The following USP10 variants were observed in gnomAD, a reference collection of about 807,000 sequenced individuals.
USP10 encodes the protein ubiquitin specific peptidase 10.
In USP10, 22 loss-of-function variants were observed where a neutral mutation model predicts 84.5. The observed-to-expected ratio is 0.26, with a 90% confidence interval of 0.19 to 0.37. The LOEUF is 0.37. Ranked by LOEUF, USP10 falls within the 10% of genes least tolerant of loss-of-function variation. USP10 has a pLI of 1.00. For missense variants in USP10, 1,019 were observed against 998.9 expected (o/e 1.02, Z -0.27); for synonymous variants, 454 against 387.6 (o/e 1.17, Z -2.01).
intron 1 of USP10, among the ~76,000 whole-genome samples, chr16:84,702,310 G>A (rs1409912868): frequency 3.3e-5 from 5 of 152,140 alleles, no homozygotes; most frequent in Admixed American, 3.3e-4. Flanking sequence ...ACCCGCCTCG[G>A]CCTCTCAAAG....
chr16:84,710,007 C>T (rs1260462753), intron 1 of USP10, among the ~76,000 whole-genome samples: 4 of 152,142 alleles, frequency 2.6e-5, no homozygotes, highest in African/African-American at 4.8e-5. Flanking sequence ...GCGAGGCTCA[C>T]GCCTGTAATC....
intron 8 of USP10, among the ~76,000 whole-genome samples, chr16:84,762,626 G>A (rs7205741): frequency 0.064 from 9,790 of 152,002 alleles, 435 homozygotes; most frequent in East Asian, 0.13. Flanking sequence ...GGGAGCTGGA[G>A]GTTGCACTGA....
intron 4 of USP10, among the ~76,000 whole-genome samples, chr16:84,748,823 A>C (rs1911559401): frequency 6.6e-6 from 1 of 152,330 alleles, no homozygotes; most frequent in South Asian, 2.1e-4. Context: ...TCAAACACTG[A>C]AAGTAAGGGC....
In USP10 at chr16:84,734,307, A is replaced by C. The variant is rs1307834768; in HGVS notation, c.90+804A>C. On this transcript the variant is annotated intron_variant, in intron 2 of 13. Transcript: ENST00000219473. ...AACTCTTGGTGTTGGCATATTTAAA[A>C]TTTTGTGAATCTGATGTGTGTAGTA... 3.3e-5 allele frequency among the ~76,000 whole-genome samples: 5 copies of C among 152,162 alleles called. No homozygotes were observed. In the East Asian group the frequency reaches 9.6e-4, roughly 29 times the overall value.
intron 12 of USP10, among the ~76,000 whole-genome samples, chr16:84,773,155 C>A (rs1049454076): frequency 1.3e-5 from 2 of 152,292 alleles, no homozygotes; most frequent in African/African-American, 2.4e-5. Context: ...TGTCAGGTCA[C>A]GGGCTCGGCA....
intron 1 of USP10, among the ~76,000 whole-genome samples, chr16:84,714,106 G>C (rs1403054366): frequency 6.6e-6 from 1 of 152,184 alleles, no homozygotes; most frequent in African/African-American, 2.4e-5. Context: ...AGTTTGGAGG[G>C]TGAGGGGTGA....
rs183272912 is a variant in USP10 at position 84,779,094 on chromosome 16, G to A, written c.*12G>A. 10 of 1,607,544 alleles carry A rather than the reference G, an allele frequency of 6.2e-6. No homozygotes were observed. Among genetic ancestry groups the A allele is most frequent in the South Asian group, 5.5e-5 (5 of 90,760 alleles). On this transcript the variant is annotated 3_prime_UTR_variant, in exon 14 of 14. Transcript: ENST00000219473. Reference sequence around the variant, plus strand: ...TGGACCTGCTGTAAACCCTGTGTGCGCTGTGTGTGCGCCCAGTGCCCGCTT... The same window carrying A: ...TGGACCTGCTGTAAACCCTGTGTGCACTGTGTGTGCGCCCAGTGCCCGCTT...
In USP10 at chr16:84,747,984, C is replaced by G. The variant is rs539597394; in HGVS notation, c.1192+2311C>G. On this transcript the variant is annotated intron_variant, in intron 4 of 13. Transcript: ENST00000219473. ...TGGCTAACACGGTGAAACCCCGTCTCTACTAAAAAAAACCTAAAAATCAGC... is the reference window on the plus strand; with the variant it reads ...TGGCTAACACGGTGAAACCCCGTCTGTACTAAAAAAAACCTAAAAATCAGC... 7.7e-4 allele frequency among the ~76,000 whole-genome samples: 117 copies of G among 151,480 alleles called. No homozygotes were observed. The Middle Eastern group carries it at 0.034, about 44-fold the overall frequency.
intron 1 of USP10, chr16:84,704,794 C>T (rs1416491187): frequency 6.5e-7 from 1 of 1,535,582 alleles, no homozygotes; most frequent in African/African-American, 1.4e-5. Context: ...AGAAGCTCTA[C>T]CAGCACTGCC....
intron 10 of USP10, among the ~76,000 whole-genome samples, chr16:84,765,019 G>A (rs1913692546): frequency 6.7e-6 from 1 of 150,080 alleles, no homozygotes; most frequent in African/African-American, 2.5e-5. Context: ...AGGTTGCAGT[G>A]AGCCAAGATT....
At chr16:84,725,810 A>C (rs1419652193) in intron 1 of USP10, among the ~76,000 whole-genome samples, 2 of 152,218 alleles carry the variant, frequency 1.3e-5, no homozygotes, top group African/African-American at 4.8e-5. Flanking sequence ...ACATACCTTC[A>C]TTTTGTAGAT....
At chr16:84,704,786 A>T in intron 1 of USP10, 1 of 1,535,452 alleles carries the variant, frequency 6.5e-7, no homozygotes, top group Non-Finnish European at 8.7e-7. Context: ...GAGAACCCAG[A>T]AGCTCTACCA....
chr16:84,762,926 A>G, intron 8 of USP10, 63 bp from the exon 9 acceptor site: 2 of 1,005,812 alleles, frequency 2.0e-6, no homozygotes, highest in African/African-American at 1.6e-5. Flanking sequence ...CAAGTACTGC[A>G]TGTCCTGCAG....
chr16:84,701,827 G>A (rs182732417), intron 1 of USP10, among the ~76,000 whole-genome samples: 2 of 151,802 alleles, frequency 1.3e-5, no homozygotes, highest in Non-Finnish European at 2.9e-5. Flanking sequence ...GAACGTAAAT[G>A]TTAGCAACAC....
chr16:84,755,502 C>G (rs1012918502), intron 4 of USP10, among the ~76,000 whole-genome samples: 1 of 152,086 alleles, frequency 6.6e-6, no homozygotes, highest in Non-Finnish European at 1.5e-5. Flanking sequence ...TCTACCCTTC[C>G]AGCCCTGCAC....
At chr16:84,718,486 C>G (rs985743889) in intron 1 of USP10, among the ~76,000 whole-genome samples, 1 of 152,248 alleles carries the variant, frequency 6.6e-6, no homozygotes, top group East Asian at 1.9e-4. Flanking sequence ...TGGCCGGGTG[C>G]GGTGGCTCAC....
Position 84,772,693 on chromosome 16 carries a change from A to G in USP10, c.2143+8A>G, listed in dbSNP as rs941885427. The G allele has an allele frequency of 4.3e-6, 7 of 1,613,854 alleles. No homozygotes were observed. The highest frequency in any genetic ancestry group is 5.1e-6 in the Non-Finnish European group (6 of 1,179,852). ...ACTTGGAAATTAGTAAAGGTAATGC[A>G]TACATAAGGTCGGGAGTGTTCGTGG... On this transcript the variant is annotated splice_region_variant and intron_variant, in intron 12 of 13. Coordinates refer to ENST00000219473, the MANE Select transcript of USP10 (RefSeq NM_005153.3).
intron 1 of USP10, among the ~76,000 whole-genome samples, chr16:84,722,119 A>G (rs1677544270): frequency 6.6e-6 from 1 of 152,208 alleles, no homozygotes; most frequent in Non-Finnish European, 1.5e-5. Flanking sequence ...CACCTTGTCC[A>G]GGCAGCTAGT....
chr16:84,763,972 A>C, intron 9 of USP10, 114 bp from the exon 10 acceptor site: 1 of 1,348,718 alleles, frequency 7.4e-7, no homozygotes, highest in Non-Finnish European at 9.9e-7. Flanking sequence ...GTGGCTCCTA[A>C]TGTAGACCAC....
Sources: allele counts gnomAD v4.1 joint callset (sites outside exome capture counted in the v4.1 genomes callset), GRCh38; gene constraint gnomAD v4.1.1; transcripts MANE v1.5; gene names NCBI Gene and HGNC (gene_info 2026-07-23, HGNC 2026-07-21).